TRIM44: variants seen among roughly 807,000 people sequenced by gnomAD.
The protein encoded by TRIM44 is tripartite motif-containing protein 44.
A neutral mutation model predicts 37.4 loss-of-function variants in TRIM44; 13 were observed. That is an observed-to-expected ratio of 0.35 (90% CI 0.23 to 0.55). The LOEUF (loss-of-function observed/expected upper bound fraction) is 0.55, where lower values mean the gene tolerates loss of function less well. Ranked by LOEUF, TRIM44 falls within the 20% of genes least tolerant of loss-of-function variation. The pLI is 0.89. For missense variants in TRIM44, 426 were observed against 437.2 expected (o/e 0.97, Z 0.23); for synonymous variants, 175 against 157.2 (o/e 1.11, Z -0.85).
intron 3 of TRIM44, among the ~76,000 whole-genome samples, 160 bp from the exon 4 acceptor site, chr11:35,735,266 G>A (rs1195359577): frequency 1.3e-5 from 2 of 152,150 alleles, no homozygotes; most frequent in Non-Finnish European, 2.9e-5. Context: ...GATTATATTA[G>A]CTCTTGTCTT....
At chr11:35,748,622 A>G (rs974849956) in intron 4 of TRIM44, among the ~76,000 whole-genome samples, 4 of 152,252 alleles carry the variant, frequency 2.6e-5, no homozygotes, top group African/African-American at 9.6e-5. Context: ...CGTGGTCCCA[A>G]TCTACAACAA....
At chr11:35,771,859 A>G (rs1463582058) in intron 4 of TRIM44, among the ~76,000 whole-genome samples, 1 of 152,250 alleles carries the variant, frequency 6.6e-6, no homozygotes, top group African/African-American at 2.4e-5. Flanking sequence ...CCGTCTGCAT[A>G]AATTTGCATA....
Position 35,815,737 on chromosome 11 carries a change from A to T in TRIM44, c.*9352A>T, listed in dbSNP as rs1452656470. On this transcript the variant is annotated 3_prime_UTR_variant, in exon 5 of 5. Transcript: ENST00000299413. Reference sequence around the variant, plus strand: ...GGACAAGACGTGGAAGAATTAGGTCACCGGGGCATCTGCCATTGCATATGT... The same window carrying T: ...GGACAAGACGTGGAAGAATTAGGTCTCCGGGGCATCTGCCATTGCATATGT... 6.6e-6 allele frequency: 1 copy of T among 152,158 alleles called. No homozygotes were observed. Among genetic ancestry groups the T allele is most frequent in the African/African-American group, 2.4e-5 (1 of 41,432 alleles). The allele number at this position is 152,158 out of a possible 1,614,324, so 9.4% of individuals were successfully genotyped here.
intron 2 of TRIM44, among the ~76,000 whole-genome samples, chr11:35,701,735 A>G (rs1048121471): frequency 6.6e-6 from 1 of 152,206 alleles, no homozygotes; most frequent in African/African-American, 2.4e-5. Flanking sequence ...AGAAAGACGC[A>G]AAGCATACTG....
At chr11:35,685,379 A>T in intron 2 of TRIM44, 43 bp downstream of exon 2, 1 of 1,534,328 alleles carries the variant, frequency 6.5e-7, no homozygotes, top group Non-Finnish European at 9.0e-7. Context: ...TACCCCAAGC[A>T]TTTCATTCTC....
chr11:35,706,560 C>T (rs1215468240), intron 2 of TRIM44, among the ~76,000 whole-genome samples: 1 of 152,138 alleles, frequency 6.6e-6, no homozygotes, highest in Non-Finnish European at 1.5e-5. Flanking sequence ...AAAGCTTATC[C>T]ATCATGATCG....
intron 4 of TRIM44, among the ~76,000 whole-genome samples, chr11:35,765,563 A>C (rs1852786518): frequency 6.6e-6 from 1 of 152,198 alleles, no homozygotes; most frequent in Admixed American, 6.5e-5. Context: ...AACTATGGTT[A>C]AGGGGAAAGT....
chr11:35,769,473 A>G (rs574522930), intron 4 of TRIM44, among the ~76,000 whole-genome samples: 11 of 152,194 alleles, frequency 7.2e-5, no homozygotes, highest in Non-Finnish European at 1.5e-4. Context: ...TTTAATTTAC[A>G]AAGCATCCAG....
intron 2 of TRIM44, among the ~76,000 whole-genome samples, chr11:35,700,576 CACA>C (rs1257073581): frequency 6.6e-6 from 1 of 152,184 alleles, no homozygotes; most frequent in African/African-American, 2.4e-5. Context: ...TGAATCCTTT[CACA>C]ACAACACAGA....
At chr11:35,689,037 G>A (rs1423227132) in intron 2 of TRIM44, among the ~76,000 whole-genome samples, 3 of 152,198 alleles carry the variant, frequency 2.0e-5, no homozygotes, top group African/African-American at 7.2e-5. Context: ...AGGTAGGAAA[G>A]GAGTAGGGAG....
At chr11:35,769,770 ATG>A (rs1852842141) in intron 4 of TRIM44, among the ~76,000 whole-genome samples, 1 of 152,198 alleles carries the variant, frequency 6.6e-6, no homozygotes, top group Non-Finnish European at 1.5e-5. Context: ...CTCTCAATTG[ATG>A]CTTGTTGAAT....
chr11:35,776,103 CT>C (rs1852957028), intron 4 of TRIM44, among the ~76,000 whole-genome samples: 1 of 152,032 alleles, frequency 6.6e-6, no homozygotes, highest in African/African-American at 2.4e-5. Context: ...TGGTCCTGGA[CT>C]TTTTTTGGTT....
intron 4 of TRIM44, among the ~76,000 whole-genome samples, chr11:35,748,075 A>G (rs1047825852): frequency 3.9e-5 from 6 of 152,138 alleles, no homozygotes; most frequent in African/African-American, 1.2e-4. Flanking sequence ...TAGCCAACCA[A>G]GTCTTTTTAA....
At chr11:35,709,415 C>T (rs1253042090) in intron 2 of TRIM44, among the ~76,000 whole-genome samples, 1 of 151,902 alleles carries the variant, frequency 6.6e-6, no homozygotes, top group Non-Finnish European at 1.5e-5. Flanking sequence ...AAAAATGAAA[C>T]AAAGGGATGA....
intron 4 of TRIM44, among the ~76,000 whole-genome samples, chr11:35,737,542 T>G (rs1564987947): frequency 6.6e-6 from 1 of 151,550 alleles, no homozygotes. Flanking sequence ...AAAAATAAAT[T>G]TTAAAAATTG....
chr11:35,684,470 T>A (rs1346608004), intron 1 of TRIM44, among the ~76,000 whole-genome samples: 4 of 152,214 alleles, frequency 2.6e-5, no homozygotes, highest in African/African-American at 9.6e-5. Context: ...GCATATGAAA[T>A]TTTTGAGCAC....
At chr11:35,760,638 A>G (rs933244861) in intron 4 of TRIM44, among the ~76,000 whole-genome samples, 1 of 152,102 alleles carries the variant, frequency 6.6e-6, no homozygotes, top group Non-Finnish European at 1.5e-5. Flanking sequence ...TCTTGGCTCC[A>G]CTTCCTATGT....
intron 4 of TRIM44, among the ~76,000 whole-genome samples, chr11:35,769,514 G>C (rs1852839490): frequency 6.6e-6 from 1 of 152,180 alleles, no homozygotes; most frequent in Admixed American, 6.5e-5. Flanking sequence ...GGACTTATTA[G>C]AATGTGGAGA....
chr11:35,812,872 G>C lies in TRIM44; in HGVS notation c.*6487G>C, dbSNP rs959899194. 1.3e-5 allele frequency: 2 copies of C among 152,170 alleles called. No homozygotes were observed. Among genetic ancestry groups the C allele is most frequent in the African/African-American group, 4.8e-5 (2 of 41,444 alleles). 9.4% of individuals were successfully genotyped at this position (152,170 alleles called of 1,614,324 possible). On this transcript the variant is annotated 3_prime_UTR_variant, in exon 5 of 5. Transcript: ENST00000299413. ...GGCCTGAAACTGTACTTTTGGAAGGGAGAACTGTTAGACTTGCTTTATCTT... is the reference window on the plus strand; with the variant it reads ...GGCCTGAAACTGTACTTTTGGAAGGCAGAACTGTTAGACTTGCTTTATCTT...
Sources: allele counts gnomAD v4.1 joint callset (sites outside exome capture counted in the v4.1 genomes callset), GRCh38; gene constraint gnomAD v4.1.1; transcripts MANE v1.5; gene names NCBI Gene and HGNC (gene_info 2026-07-23, HGNC 2026-07-21).